The following FYB1 variants were observed in gnomAD, a reference collection of about 807,000 sequenced individuals.
FYB1 encodes the protein FYN-binding protein 1.
In FYB1, 41 loss-of-function variants were observed where a neutral mutation model predicts 94.1. That is an observed-to-expected ratio of 0.44 (90% confidence interval 0.34 to 0.57). The LOEUF (loss-of-function observed/expected upper bound fraction) is 0.57, where lower values mean the gene tolerates loss of function less well. FYB1 is among the 20% of genes least tolerant of loss of function. The pLI is 0.02. For missense variants in FYB1, 1,050 were observed against 976.8 expected (o/e 1.07, Z -1.00); for synonymous variants, 367 against 353.2 (o/e 1.04, Z -0.44).
chr5:39,260,187 T>C (rs1752153812), intron 1 of FYB1, among the ~76,000 whole-genome samples: 1 of 152,202 alleles, frequency 6.6e-6, no homozygotes, highest in Non-Finnish European at 1.5e-5. Context: ...GAAAAGATAA[T>C]GGCTGAGAAT....
chr5:39,264,820 C>T (rs1172969992), intron 1 of FYB1, among the ~76,000 whole-genome samples: 1 of 152,170 alleles, frequency 6.6e-6, no homozygotes, highest in Non-Finnish European at 1.5e-5. Flanking sequence ...ACTGCTTCAG[C>T]CTGAACATCC....
intron 2 of FYB1, among the ~76,000 whole-genome samples, chr5:39,166,349 T>TAA: frequency 6.6e-6 from 1 of 151,356 alleles, no homozygotes; most frequent in Non-Finnish European, 1.5e-5. Flanking sequence ...GGCAGGAGAA[T>TAA]AGCTTGAACC....
intron 3 of FYB1, among the ~76,000 whole-genome samples, chr5:39,149,850 G>C (rs962885835): frequency 6.6e-6 from 1 of 152,102 alleles, no homozygotes; most frequent in Non-Finnish European, 1.5e-5. Flanking sequence ...GAGAGTTACA[G>C]TGCCCCAGAG....
chr5:39,223,773 A>G (rs978065198), upstream of FYB1, among the ~76,000 whole-genome samples: 3 of 152,230 alleles, frequency 2.0e-5, no homozygotes, highest in Admixed American at 6.5e-5. Context: ...AGGTAAGAGA[A>G]TTAGAGTGGG....
chr5:39,210,335 G>A (rs1332918546), intron 1 of FYB1, among the ~76,000 whole-genome samples: 1 of 152,230 alleles, frequency 6.6e-6, no homozygotes, highest in African/African-American at 2.4e-5. Context: ...AACCACCACA[G>A]ATATCGCTGT....
chr5:39,261,979 C>T (rs751433884), intron 1 of FYB1, among the ~76,000 whole-genome samples: 31 of 151,910 alleles, frequency 2.0e-4, no homozygotes, highest in Non-Finnish European at 3.7e-4. Flanking sequence ...CCTTGCATCA[C>T]AAATATAAAT....
At position 39,108,254 on chromosome 5, in the gene FYB1, T is replaced by C; in HGVS notation, c.2444A>G (p.Glu815Gly). 1 of 1,527,594 alleles carries C rather than the reference T, an allele frequency of 6.5e-7. No homozygotes were observed. Among genetic ancestry groups the C allele is most frequent in the Non-Finnish European group, 8.9e-7 (1 of 1,128,668 alleles). The allele number at this position is 1,527,594 out of a possible 1,614,324, so 94.6% of individuals were successfully genotyped here. A position where few individuals can be genotyped will look rare whatever the true frequency, so the allele number is the denominator to read the frequency against. Residue 815 changes from glutamate to glycine, a missense_variant, in exon 18 of 19, where the codon GAG becomes GGG. Coordinates refer to ENST00000512982, the MANE Select transcript of FYB1 (RefSeq NM_001465.6). ...LRSYLADNDG[E>G]IYDDIADGCI... ...ACCATCAGCAATATCATCATAGATC[T>C]CTCCATCACTGTAAATGTAAAAAAA... is the stretch of plus-strand genomic sequence containing the variant.
At chr5:39,232,444 G>A (rs1055355428) in intron 1 of FYB1, among the ~76,000 whole-genome samples, 1 of 152,082 alleles carries the variant, frequency 6.6e-6, no homozygotes. Context: ...GCTGACAACG[G>A]ACCCAGCTGT....
chr5:39,264,083 T>G (rs773952079), intron 1 of FYB1, among the ~76,000 whole-genome samples: 1 of 152,204 alleles, frequency 6.6e-6, no homozygotes, highest in South Asian at 2.1e-4. Flanking sequence ...GTGCCTTCTT[T>G]CACTCTACAT....
chr5:39,249,070 C>T (rs1241595351), intron 1 of FYB1, among the ~76,000 whole-genome samples: 1 of 152,214 alleles, frequency 6.6e-6, no homozygotes. Context: ...TGGCACTGGG[C>T]AGTGCAGACA....
chr5:39,165,419 G>A (rs1744632286), intron 2 of FYB1, among the ~76,000 whole-genome samples: 1 of 151,170 alleles, frequency 6.6e-6, no homozygotes, highest in Admixed American at 6.5e-5. Context: ...AATGGTGCTG[G>A]GAAAATTTGA....
intron 1 of FYB1, among the ~76,000 whole-genome samples, chr5:39,268,271 G>C (rs1261092883): frequency 6.8e-6 from 1 of 148,110 alleles, no homozygotes. Flanking sequence ...AGGGTTGCCT[G>C]GGTTGGAGTG....
chr5:39,144,275 G>T (rs1356128492), intron 3 of FYB1, among the ~76,000 whole-genome samples: 1 of 152,002 alleles, frequency 6.6e-6, no homozygotes, highest in Admixed American at 6.6e-5. Flanking sequence ...ATTAGTTCCC[G>T]ATAAAAGAAT....
intron 1 of FYB1, among the ~76,000 whole-genome samples, chr5:39,210,384 G>A (rs999854860): frequency 2.6e-5 from 4 of 152,238 alleles, no homozygotes; most frequent in African/African-American, 9.6e-5. Flanking sequence ...GAGCACTGAT[G>A]ATCCGGATCC....
chr5:39,233,625 A>C (rs1436778240), intron 1 of FYB1, among the ~76,000 whole-genome samples: 2 of 152,100 alleles, frequency 1.3e-5, no homozygotes, highest in Non-Finnish European at 2.9e-5. Flanking sequence ...CTAAAACAAA[A>C]CTTTTAGTGA....
chr5:39,183,308 G>T (rs542273516), intron 2 of FYB1, among the ~76,000 whole-genome samples: 1 of 152,138 alleles, frequency 6.6e-6, no homozygotes, highest in Non-Finnish European at 1.5e-5. Flanking sequence ...TTTAAGGTAC[G>T]ATTAAGCTCT....
intron 1 of FYB1, among the ~76,000 whole-genome samples, chr5:39,241,548 G>A (rs1031401108): frequency 6.6e-6 from 1 of 152,100 alleles, no homozygotes; most frequent in Non-Finnish European, 1.5e-5. Context: ...ATAAATAGGT[G>A]GTAGAAAGGA....
intron 12 of FYB1, among the ~76,000 whole-genome samples, chr5:39,125,297 G>A (rs549757302): frequency 2.8e-4 from 42 of 152,126 alleles, no homozygotes; most frequent in African/African-American, 1.0e-3. Flanking sequence ...AAAACAGAAA[G>A]ATTTTCTTGT....
At chr5:39,254,055 A>G (rs1375829124) in intron 1 of FYB1, among the ~76,000 whole-genome samples, 7 of 152,172 alleles carry the variant, frequency 4.6e-5, no homozygotes, top group Non-Finnish European at 8.8e-5. Flanking sequence ...TAGTAGTTCT[A>G]TGGTGTATAT....
Sources: allele counts gnomAD v4.1 joint callset (sites outside exome capture counted in the v4.1 genomes callset), GRCh38; gene constraint gnomAD v4.1.1; transcripts MANE v1.5; gene names NCBI Gene and HGNC (gene_info 2026-07-23, HGNC 2026-07-21).